Variants in CSMD2 observed in about 807,000 individuals in gnomAD.
CSMD2 encodes CUB and Sushi multiple domains 2.
In CSMD2, 130 loss-of-function variants were observed where a neutral mutation model predicts 398.5. The ratio of observed to expected loss-of-function variants is 0.33; its 90% confidence interval spans 0.28 to 0.38. The LOEUF is 0.38. CSMD2 is among the 10% of genes least tolerant of loss of function. The probability of loss-of-function intolerance (pLI) is 1.00; values close to 1 mark genes in which losing one functional copy is unlikely to be tolerated. For synonymous variants in CSMD2, 1,828 were observed against 1,908.5 expected, an observed-to-expected ratio of 0.96 and a Z score of 1.10; for missense variants, 3,829 against 4,764.9, an observed-to-expected ratio of 0.80 and a Z score of 5.78.
At chr1:34,025,486 GT>G (rs906172735) in intron 3 of CSMD2, among the ~76,000 whole-genome samples, 1 of 152,132 alleles carries the variant, frequency 6.6e-6, no homozygotes, top group Non-Finnish European at 1.5e-5. Flanking sequence ...TCTCTGGGCT[GT>G]TTTTTTAGGT....
At chr1:33,678,952 G>T (rs1644812216) in intron 25 of CSMD2, among the ~76,000 whole-genome samples, 1 of 152,162 alleles carries the variant, frequency 6.6e-6, no homozygotes, top group Non-Finnish European at 1.5e-5. Context: ...CTGCTGTCTT[G>T]GACTTAAGCT....
chr1:33,983,380 AT>A (rs1646239712), intron 3 of CSMD2, among the ~76,000 whole-genome samples: 1 of 152,070 alleles, frequency 6.6e-6, no homozygotes, highest in South Asian at 2.1e-4. Context: ...ACTTGGGAAC[AT>A]TTTTCCCTGT....
At chr1:33,597,135 C>T (rs1639894995) in intron 44 of CSMD2, among the ~76,000 whole-genome samples, 1 of 152,026 alleles carries the variant, frequency 6.6e-6, no homozygotes, top group Non-Finnish European at 1.5e-5. Context: ...TTTCACAGGT[C>T]TCCTTAAGGT....
intron 32 of CSMD2, among the ~76,000 whole-genome samples, chr1:33,627,102 G>A (rs753489713): frequency 1.3e-5 from 2 of 152,204 alleles, no homozygotes; most frequent in Non-Finnish European, 2.9e-5. Context: ...GATTACCAGA[G>A]CGATGGTGTA....
chr1:33,936,260 A>G (rs1413348817), intron 3 of CSMD2, among the ~76,000 whole-genome samples: 1 of 152,216 alleles, frequency 6.6e-6, no homozygotes, highest in Non-Finnish European at 1.5e-5. Flanking sequence ...CCTGATCACT[A>G]GAGATGCAAT....
intron 10 of CSMD2, among the ~76,000 whole-genome samples, chr1:33,804,449 T>C (rs572234299): frequency 6.6e-6 from 1 of 152,332 alleles, no homozygotes; most frequent in African/African-American, 2.4e-5. Flanking sequence ...CCTGTTGACA[T>C]GTCACTTCCT....
intron 48 of CSMD2, 109 bp downstream of exon 48, chr1:33,580,644 C>T (rs2148724869): frequency 1.7e-6 from 2 of 1,199,552 alleles, no homozygotes; most frequent in East Asian, 2.4e-5. Flanking sequence ...GACCACTTAG[C>T]TTCAGGTGAG....
chr1:33,999,240 TA>T (rs201598108), intron 3 of CSMD2, among the ~76,000 whole-genome samples: 268 of 152,152 alleles, frequency 1.8e-3, no homozygotes, highest in Middle Eastern at 3.4e-3. Context: ...GAGGAGGCAA[TA>T]AAATTGGAGA....
chr1:33,674,173 T>G (rs554670831), intron 25 of CSMD2, among the ~76,000 whole-genome samples: 12 of 151,830 alleles, frequency 7.9e-5, no homozygotes, highest in Non-Finnish European at 1.6e-4. Flanking sequence ...GCAAATTGGA[T>G]AGAGTCAAGA....
chr1:33,695,563 C>T (rs1244450588), intron 24 of CSMD2, among the ~76,000 whole-genome samples: 4 of 152,182 alleles, frequency 2.6e-5, no homozygotes, highest in Admixed American at 6.5e-5. Context: ...GTCGCTAAAC[C>T]TGTGTGGTAT....
intron 2 of CSMD2, among the ~76,000 whole-genome samples, chr1:34,080,019 C>G (rs1444949722): frequency 7.2e-6 from 1 of 139,638 alleles, no homozygotes; most frequent in Non-Finnish European, 1.5e-5. Context: ...ATTCCTAAAA[C>G]AATAATATAG....
chr1:33,571,171 G>A (rs1659560656), intron 51 of CSMD2, among the ~76,000 whole-genome samples: 1 of 152,094 alleles, frequency 6.6e-6, no homozygotes, highest in Non-Finnish European at 1.5e-5. Context: ...TTATGTGTCT[G>A]CCTCTCCAGT....
At chr1:33,588,093 C>A (rs144950570) in intron 44 of CSMD2, among the ~76,000 whole-genome samples, 1 of 152,166 alleles carries the variant, frequency 6.6e-6, no homozygotes, top group Non-Finnish European at 1.5e-5. Context: ...AATTACAGTA[C>A]GTTCCTGGAG....
At chr1:34,148,490 A>G (rs1447569120) in intron 1 of CSMD2, among the ~76,000 whole-genome samples, 1 of 152,150 alleles carries the variant, frequency 6.6e-6, no homozygotes, top group South Asian at 2.1e-4. Context: ...CTTGACGTGT[A>G]ATTCATTCAT....
intron 5 of CSMD2, among the ~76,000 whole-genome samples, chr1:33,891,202 A>AT (rs1641988434): frequency 1.1e-5 from 1 of 89,282 alleles, no homozygotes; most frequent in African/African-American, 3.3e-5. Context: ...CAAATTTACA[A>AT]GAAAAAAAAA....
chr1:33,756,131 A>G (rs1237469199), intron 13 of CSMD2, among the ~76,000 whole-genome samples: 2 of 152,088 alleles, frequency 1.3e-5, no homozygotes, highest in African/African-American at 4.8e-5. Context: ...CCTGGCTTTT[A>G]CCTTTTGAAA....
chr1:33,771,921 C>G (rs12081828), intron 13 of CSMD2, among the ~76,000 whole-genome samples: 5,174 of 152,230 alleles, frequency 0.034, 101 homozygotes, highest in African/African-American at 0.055. Flanking sequence ...CCAATCCCAA[C>G]GCGACTGAAG....
chr1:33,547,232 G>A (rs116793800), intron 56 of CSMD2, among the ~76,000 whole-genome samples: 1,658 of 152,266 alleles, frequency 0.011, 16 homozygotes, highest in Non-Finnish European at 0.016. Context: ...CCCAAGGAGC[G>A]AAGAAGGGTA....
At chr1:33,881,634 G>A (rs866157625) in intron 5 of CSMD2, among the ~76,000 whole-genome samples, 1 of 152,064 alleles carries the variant, frequency 6.6e-6, no homozygotes, top group East Asian at 1.9e-4. Flanking sequence ...GGATGGAGTC[G>A]GATTATAAAA....
Sources: gnomAD v4.1 joint callset for allele counts (sites outside exome capture counted in the v4.1 genomes callset) on GRCh38, gnomAD v4.1.1 for gene constraint, MANE v1.5 for transcripts, NCBI Gene and HGNC (gene_info 2026-07-23, HGNC 2026-07-21) for gene names.